The following ADAMTSL1 variants were observed in gnomAD, a reference collection of about 807,000 sequenced individuals.
ADAMTSL1 encodes the protein ADAMTS-like protein 1.
In ADAMTSL1, 126 loss-of-function variants were observed where a neutral mutation model predicts 201.8. That is an observed-to-expected ratio of 0.62 (90% CI 0.54 to 0.72). The LOEUF is 0.72. ADAMTSL1 is among the 30% of genes least tolerant of loss of function. The pLI, the probability that ADAMTSL1 is intolerant of heterozygous loss-of-function variation, is 0.00. For synonymous variants in ADAMTSL1, 1,121 were observed against 903.4 expected (o/e 1.24, Z -4.32); for missense variants, 2,679 against 2,277.8 (o/e 1.18, Z -3.59).
At chr9:18,474,995 G>A (rs1284679233) in intron 1 of ADAMTSL1, among the ~76,000 whole-genome samples, 2 of 152,122 alleles carry the variant, frequency 1.3e-5, no homozygotes, top group Non-Finnish European at 1.5e-5. Context: ...TTTTTGACTC[G>A]AAGTAAATGT....
intron 16 of ADAMTSL1, among the ~76,000 whole-genome samples, chr9:18,764,552 T>C (rs1356391849): frequency 1.3e-5 from 2 of 152,206 alleles, no homozygotes; most frequent in African/African-American, 4.8e-5. Context: ...TTCAAGCACA[T>C]CTTGGAAGTC....
chr9:18,108,188 A>C (rs1824844864), intron 1 of ADAMTSL1, among the ~76,000 whole-genome samples: 1 of 146,150 alleles, frequency 6.8e-6, no homozygotes, highest in African/African-American at 2.6e-5. Context: ...TAAAAGCAAG[A>C]GTGTGGAATT....
chr9:18,064,981 T>C (rs1822630319), intron 1 of ADAMTSL1, among the ~76,000 whole-genome samples: 1 of 100,528 alleles, frequency 9.9e-6, no homozygotes, highest in African/African-American at 4.7e-5. Flanking sequence ...TTTTTTTTTT[T>C]TTTTTTTGGT....
chr9:18,306,961 A>G (rs965538361), intron 2 of ADAMTSL1, among the ~76,000 whole-genome samples: 1 of 152,226 alleles, frequency 6.6e-6, no homozygotes, highest in Non-Finnish European at 1.5e-5. Flanking sequence ...TGGGTTACCC[A>G]CAAAGGGAAG....
intron 9 of ADAMTSL1, among the ~76,000 whole-genome samples, chr9:18,671,155 G>T (rs1829785260): frequency 6.6e-6 from 1 of 152,104 alleles, no homozygotes; most frequent in South Asian, 2.1e-4. Flanking sequence ...GTGGACGCAG[G>T]ACCCATGGAT....
Position 18,770,784 on chromosome 9 carries a change from A to G in ADAMTSL1, c.2397+3A>G. 1 of 1,613,304 alleles carries G rather than the reference A, an allele frequency of 6.2e-7. No individual in the cohort carries two copies. ...GGCTTCTCTCAGACTGGACAGAGGT[A>G]TGTATGTTCCTCCGAAGAGAATGAA... On this transcript the variant is annotated splice_donor_region_variant and intron_variant, in intron 17 of 28. Transcript: ENST00000380548.
chr9:17,985,003 T>C (rs138838693), intron 1 of ADAMTSL1, among the ~76,000 whole-genome samples: 11 of 152,298 alleles, frequency 7.2e-5, no homozygotes, highest in South Asian at 6.2e-4. Context: ...GAGAGCAGAA[T>C]AGTGCCTAAC....
At chr9:18,802,093 C>A (rs917092803) in intron 20 of ADAMTSL1, among the ~76,000 whole-genome samples, 1 of 152,060 alleles carries the variant, frequency 6.6e-6, no homozygotes, top group Non-Finnish European at 1.5e-5. Flanking sequence ...GCCTGGGCAA[C>A]AGAGAGAAAT....
rs1054784626 is a variant in ADAMTSL1, at chr9:18,345,861, T to C, written c.208-158968T>C. On this transcript the variant is annotated intron_variant, in intron 2 of 29. Coordinates refer to the ADAMTSL1 transcript ENST00000680146. ...GCCCCTTAGCATCCAGAAGACCATG[T>C]GACAGGTGATACCCCAAATCAATGA... is the stretch of plus-strand genomic sequence containing the variant. Among the ~76,000 whole-genome samples the C allele has an allele frequency of 2.0e-5, 3 of 152,064 alleles. 1 individual carries two copies. The highest frequency in any genetic ancestry group is 4.2e-4 in the South Asian group (2 of 4,812).
At chr9:18,859,808 C>CT (rs533939862) in intron 23 of ADAMTSL1, among the ~76,000 whole-genome samples, 15 of 151,678 alleles carry the variant, frequency 9.9e-5, no homozygotes, top group South Asian at 2.1e-4. Context: ...ATTAAAGATT[C>CT]TTTTTTTTGC....
chr9:18,783,727 T>G (rs907816601), intron 19 of ADAMTSL1, among the ~76,000 whole-genome samples: 6 of 152,212 alleles, frequency 3.9e-5, no homozygotes, highest in Non-Finnish European at 7.3e-5. Context: ...AAACCAGGCA[T>G]GTAAAGGGTT....
intron 8 of ADAMTSL1, among the ~76,000 whole-genome samples, chr9:18,658,076 G>A (rs919593584): frequency 6.7e-6 from 1 of 148,856 alleles, no homozygotes; most frequent in African/African-American, 2.5e-5. Context: ...CCGAGTTCAC[G>A]CCATTCTCCT....
chr9:17,956,176 G>A (rs1453833739), intron 1 of ADAMTSL1, among the ~76,000 whole-genome samples: 3 of 152,092 alleles, frequency 2.0e-5, no homozygotes, highest in Non-Finnish European at 4.4e-5. Flanking sequence ...ATCTTACCTT[G>A]TAGTGCTTTT....
rs1586976604 is a variant in ADAMTSL1 at position 18,067,552 on chromosome 9, C to T, written c.88-96310C>T. Among the ~76,000 whole-genome samples, 2 of 152,234 alleles carry T rather than the reference C, an allele frequency of 1.3e-5. 1 individual carries two copies. Among genetic ancestry groups the T allele is most frequent in the Middle Eastern group, 6.8e-3 (2 of 292 alleles). ...GGGCAATTTAGATTACAAAACTTTC[C>T]TGATTTTGAGAATTACAGTCATGTT... On this transcript the variant is annotated intron_variant, in intron 1 of 29. Transcript: ENST00000680146.
intron 2 of ADAMTSL1, among the ~76,000 whole-genome samples, chr9:18,436,548 A>G (rs1284273011): frequency 6.6e-6 from 1 of 152,114 alleles, no homozygotes; most frequent in Admixed American, 6.5e-5. Flanking sequence ...AGTATTCTGC[A>G]TGGCCTCTCT....
rs1473446097 is a variant in ADAMTSL1, at chr9:18,080,712, A to G, written c.88-83150A>G. Among the ~76,000 whole-genome samples the G allele has an allele frequency of 2.0e-5, 3 of 152,088 alleles. No homozygotes were observed. In the East Asian group the frequency reaches 5.8e-4, roughly 29 times the overall value. On this transcript the variant is annotated intron_variant, in intron 1 of 29. Transcript: ENST00000680146. ...TTATTTTCTCCATTTTACATTTAAA[A>G]CACCAATTAAGGCCTAGAGGCACTA...
At chr9:18,147,697 T>G (rs1228052311) in intron 1 of ADAMTSL1, among the ~76,000 whole-genome samples, 1 of 152,100 alleles carries the variant, frequency 6.6e-6, no homozygotes, top group Non-Finnish European at 1.5e-5. Context: ...GACCTATTCT[T>G]TTGTTCCAAA....
intron 2 of ADAMTSL1, among the ~76,000 whole-genome samples, chr9:18,293,152 A>C (rs1400752682): frequency 6.6e-6 from 1 of 152,160 alleles, no homozygotes; most frequent in Non-Finnish European, 1.5e-5. Context: ...CATTTTCTTT[A>C]TCCAATCCAC....
chr9:18,676,087 G>A (rs571252827), intron 10 of ADAMTSL1, among the ~76,000 whole-genome samples, 180 bp downstream of exon 10: 12 of 152,174 alleles, frequency 7.9e-5, no homozygotes, highest in African/African-American at 2.9e-4. Context: ...TGCTCAGACT[G>A]TAAGCTTATC....
Sources: allele counts gnomAD v4.1 joint callset (sites outside exome capture counted in the v4.1 genomes callset), GRCh38; gene constraint gnomAD v4.1.1; transcripts MANE v1.5; gene names NCBI Gene and HGNC (gene_info 2026-07-23, HGNC 2026-07-21).